Variants in E2F5 observed in about 807,000 individuals in gnomAD.
E2F5 encodes transcription factor E2F5.
E2F5 carries 23 observed loss-of-function variants against 39.1 expected under a neutral mutation model. The observed-to-expected ratio is 0.59, with a 90% CI of 0.42 to 0.83. The LOEUF is 0.83. Ranked by LOEUF, E2F5 falls within the 40% of genes least tolerant of loss-of-function variation. The pLI, the probability that E2F5 is intolerant of heterozygous loss-of-function variation, is 0.00. For missense variants in E2F5, 365 were observed against 406.7 expected (o/e 0.90, Z 0.88); for synonymous variants, 145 against 157.8 (o/e 0.92, Z 0.61).
At chr8:85,191,490 T>C (rs1314724267) in intron 1 of E2F5, among the ~76,000 whole-genome samples, 1 of 152,258 alleles carries the variant, frequency 6.6e-6, no homozygotes, top group Non-Finnish European at 1.5e-5. Context: ...TGGCTTGATT[T>C]AGCCATTCCA....
chr8:85,196,711 C>T (rs1164169204), intron 1 of E2F5, among the ~76,000 whole-genome samples: 10 of 152,142 alleles, frequency 6.6e-5, no homozygotes, highest in Non-Finnish European at 1.5e-5. Flanking sequence ...GGATCTGTTT[C>T]CAGTATAACA....
intron 2 of E2F5, 56 bp downstream of exon 2, chr8:85,202,312 A>G (rs1812714703): frequency 7.6e-7 from 1 of 1,309,442 alleles, no homozygotes; most frequent in Non-Finnish European, 1.1e-6. Flanking sequence ...AGTGCTCTGT[A>G]AAATTTGACC....
At chr8:85,189,747 T>C (rs570850058) in intron 1 of E2F5, among the ~76,000 whole-genome samples, 1 of 152,236 alleles carries the variant, frequency 6.6e-6, no homozygotes, top group South Asian at 2.1e-4. Flanking sequence ...TAACCATTCT[T>C]ATTAGTAGGT....
chr8:85,209,320 C>A lies in E2F5; in HGVS notation c.794C>A (p.Ser265Tyr), dbSNP rs763797162. ...TTGACTCCAGTGACTCCACAGAAAT[C>A]CAGCATGGCAACTCAAAATCTGCCT... ...QSLTPVTPQKSSMATQNLPEQ... is the reference protein window; with the variant it reads ...QSLTPVTPQKYSMATQNLPEQ... Residue 265 changes from serine to tyrosine, a missense_variant, in exon 6 of 8, where the codon TCC (serine) becomes TAC (tyrosine). Coordinates refer to ENST00000416274, the MANE Select transcript of E2F5 (RefSeq NM_001951.4). The A allele has an allele frequency of 6.2e-7, 1 of 1,614,002 alleles. No individual in the cohort carries two copies.
chr8:85,197,637 G>T (rs1297861241), intron 1 of E2F5, among the ~76,000 whole-genome samples: 1 of 152,088 alleles, frequency 6.6e-6, no homozygotes, highest in Non-Finnish European at 1.5e-5. Flanking sequence ...GAATATTTTT[G>T]TTTGTTTTTT....
intron 3 of E2F5, 43 bp downstream of exon 3, chr8:85,203,298 A>G (rs779890208): frequency 2.8e-6 from 4 of 1,427,328 alleles, no homozygotes; most frequent in Non-Finnish European, 3.7e-6. Context: ...TAGCTTTGGA[A>G]TATGTATGTA....
At chr8:85,202,323 T>G in intron 2 of E2F5, 67 bp downstream of exon 2, 2 of 1,150,032 alleles carry the variant, frequency 1.7e-6, no homozygotes, top group Non-Finnish European at 2.5e-6. Flanking sequence ...AAATTTGACC[T>G]TCCCAATGTT....
chr8:85,177,504 G>A lies in E2F5; in HGVS notation c.84G>A (p.Pro28=). The change falls in exon 1 of 8, where the codon CCG becomes CCA. Residue 28 remains proline (P), a synonymous_variant. Transcript: ENST00000416274. Reference sequence around the variant, plus strand: ...GCCAGCGGCCGCCGCCGCAGCCTCCGCAGGCGCAAGCCCCGCAGCCGCCCC... The same window carrying A: ...GCCAGCGGCCGCCGCCGCAGCCTCCACAGGCGCAAGCCCCGCAGCCGCCCC... ...GQGQRPPPQP[P]QAQAPQPPPP... 1 of 1,086,136 alleles carries A rather than the reference G, an allele frequency of 9.2e-7. No homozygotes were observed. Among genetic ancestry groups the A allele is most frequent in the Non-Finnish European group, 1.1e-6 (1 of 896,834 alleles). 67.3% of individuals were successfully genotyped at this position (1,086,136 alleles called of 1,614,324 possible).
At chr8:85,177,870 C>T in intron 1 of E2F5, 1 of 794,592 alleles carries the variant, frequency 1.3e-6, no homozygotes. Flanking sequence ...GGACGCGTAA[C>T]CAATGGGGCC....
intron 1 of E2F5, among the ~76,000 whole-genome samples, chr8:85,191,961 A>G (rs1302449726): frequency 6.6e-6 from 1 of 152,176 alleles, no homozygotes; most frequent in African/African-American, 2.4e-5. Flanking sequence ...TTGAGAGGCT[A>G]TAAATCAGAT....
At chr8:85,201,544 T>C (rs1035156236) in intron 1 of E2F5, among the ~76,000 whole-genome samples, 2 of 152,254 alleles carry the variant, frequency 1.3e-5, no homozygotes, top group African/African-American at 2.4e-5. Flanking sequence ...TTTTGTATAA[T>C]AGTTGCTAGT....
intron 1 of E2F5, among the ~76,000 whole-genome samples, chr8:85,198,272 A>G (rs556540927): frequency 1.3e-5 from 2 of 151,958 alleles, no homozygotes; most frequent in South Asian, 2.1e-4. Context: ...TGCATTGTTA[A>G]TGATTCCTCT....
chr8:85,191,996 G>C (rs565370970), intron 1 of E2F5, among the ~76,000 whole-genome samples: 1 of 152,222 alleles, frequency 6.6e-6, no homozygotes, highest in East Asian at 1.9e-4. Context: ...GAGAATATTG[G>C]ATTGCAAGCA....
intron 1 of E2F5, among the ~76,000 whole-genome samples, chr8:85,185,271 C>A (rs1314774406): frequency 6.6e-6 from 1 of 152,098 alleles, no homozygotes; most frequent in African/African-American, 2.4e-5. Flanking sequence ...GGAAAAGATT[C>A]TCTATTTAAT....
intron 1 of E2F5, among the ~76,000 whole-genome samples, chr8:85,185,631 A>G (rs1812314395): frequency 6.6e-6 from 1 of 152,250 alleles, no homozygotes; most frequent in Non-Finnish European, 1.5e-5. Context: ...AAGAGTTCAT[A>G]TCCAGGATCT....
Position 85,214,202 on chromosome 8 carries a change from G to A in E2F5, c.*340G>A, listed in dbSNP as rs894704408. ...ACTACAGGTCATCAAAAACAAGTTG[G>A]CCAAGGACTCATTACTTGTCTTATA... On this transcript the variant is annotated 3_prime_UTR_variant, in exon 8 of 8. Transcript: ENST00000416274. 1.9e-6 allele frequency: 1 copy of A among 536,378 alleles called. No homozygotes were observed. Among genetic ancestry groups the A allele is most frequent in the Non-Finnish European group, 3.6e-6 (1 of 280,616 alleles). The allele number at this position is 536,378 out of a possible 1,614,324, so 33.2% of individuals were successfully genotyped here. A position where few individuals can be genotyped will look rare whatever the true frequency, so the allele number is the denominator to read the frequency against.
chr8:85,178,994 T>G (rs758101222), intron 1 of E2F5, among the ~76,000 whole-genome samples: 1 of 152,202 alleles, frequency 6.6e-6, no homozygotes, highest in Non-Finnish European at 1.5e-5. Context: ...TTCCTGGAAT[T>G]TTTTTCCCAC....
chr8:85,209,557 G>GTCCTATCCCCAA, intron 6 of E2F5, 148 bp downstream of exon 6: 3 of 953,308 alleles, frequency 3.1e-6, no homozygotes, highest in Non-Finnish European at 3.0e-6. Flanking sequence ...CATATCTTGG[G>GTCCTATCCCCAA]GATAGGACCC....
At chr8:85,178,727 T>G (rs572476823) in intron 1 of E2F5, among the ~76,000 whole-genome samples, 1 of 152,310 alleles carries the variant, frequency 6.6e-6, no homozygotes, top group African/African-American at 2.4e-5. Flanking sequence ...AGGCTCTGCA[T>G]AAAGCAGTGG....
Sources: allele counts gnomAD v4.1 joint callset (sites outside exome capture counted in the v4.1 genomes callset), GRCh38; gene constraint gnomAD v4.1.1; transcripts MANE v1.5; gene names NCBI Gene and HGNC (gene_info 2026-07-23, HGNC 2026-07-21).